Variants in BNC2 observed in about 807,000 individuals in gnomAD.
BNC2 encodes zinc finger protein basonuclin-2.
BNC2 carries 20 observed loss-of-function variants against 76.3 expected under a neutral mutation model. The ratio of observed to expected loss-of-function variants is 0.26; its 90% CI spans 0.18 to 0.38. The LOEUF (loss-of-function observed/expected upper bound fraction) is 0.38. Ranked by LOEUF, BNC2 falls within the 10% of genes least tolerant of loss-of-function variation. The pLI, the probability that BNC2 is intolerant of heterozygous loss-of-function variation, is 1.00. For synonymous variants in BNC2, 582 were observed against 514.8 expected (o/e 1.13, Z -1.77); for missense variants, 1,382 against 1,399.8 (o/e 0.99, Z 0.20).
intron 4 of BNC2, among the ~76,000 whole-genome samples, chr9:16,580,762 G>A (rs374215449): frequency 6.6e-6 from 1 of 152,144 alleles, no homozygotes; most frequent in Non-Finnish European, 1.5e-5. Flanking sequence ...TTTGTTCAAC[G>A]ACTGGCCTCC....
At chr9:16,573,568 C>G (rs1393153125) in intron 4 of BNC2, among the ~76,000 whole-genome samples, 1 of 152,070 alleles carries the variant, frequency 6.6e-6, no homozygotes, top group Non-Finnish European at 1.5e-5. Flanking sequence ...GAATCTAAGG[C>G]CCAAGACTGT....
chr9:16,605,465 G>A (rs947090404), intron 3 of BNC2, among the ~76,000 whole-genome samples: 1 of 152,162 alleles, frequency 6.6e-6, no homozygotes. Flanking sequence ...GCAGAGCCAG[G>A]ACTTCCGATC....
intron 3 of BNC2, among the ~76,000 whole-genome samples, chr9:16,643,338 T>C (rs1408549270): frequency 6.6e-6 from 1 of 150,956 alleles, no homozygotes; most frequent in Non-Finnish European, 1.5e-5. Flanking sequence ...TACCAAATTC[T>C]GGGAGACCAG....
chr9:16,553,058 A>G (rs1485767026), intron 4 of BNC2, among the ~76,000 whole-genome samples: 2 of 152,148 alleles, frequency 1.3e-5, no homozygotes, highest in East Asian at 3.9e-4. Flanking sequence ...GGGGTTTTCA[A>G]ATGACCGTGG....
intron 3 of BNC2, among the ~76,000 whole-genome samples, chr9:16,596,032 G>A (rs906719301): frequency 2.0e-5 from 3 of 152,050 alleles, no homozygotes; most frequent in Non-Finnish European, 4.4e-5. Flanking sequence ...TCAATAATCC[G>A]TGAACTAAGA....
intron 3 of BNC2, among the ~76,000 whole-genome samples, chr9:16,687,376 G>T (rs1823010156): frequency 6.6e-6 from 1 of 152,096 alleles, no homozygotes; most frequent in Non-Finnish European, 1.5e-5. Context: ...ACAAAAAAGG[G>T]AATTTATCCT....
Position 16,727,670 on chromosome 9 carries a change from C to G in BNC2, c.330+127G>C, listed in dbSNP as rs1429824028. The G allele has an allele frequency of 6.5e-6, 5 of 775,058 alleles. No individual in the cohort carries two copies. In the East Asian group the frequency reaches 1.3e-4, roughly 20 times the overall value. 48.0% of individuals were successfully genotyped at this position (775,058 alleles called of 1,614,324 possible). A position where few individuals can be genotyped will look rare whatever the true frequency, so the allele number is the denominator to read the frequency against. ...TAACACAGTTATGACAAAACAAGAG[C>G]CTAACTAGGAAGTGACCACATTTTA... is the stretch of plus-strand genomic sequence containing the variant. On this transcript the variant is annotated intron_variant, in intron 3 of 6. Transcript: ENST00000380672.
intron 1 of BNC2, among the ~76,000 whole-genome samples, chr9:16,743,672 C>T (rs1196493179): frequency 6.6e-6 from 1 of 152,170 alleles, no homozygotes. Context: ...TGGTTTTCTT[C>T]AGGAGCCAGA....
At chr9:16,826,145 C>T (rs4378057) in intron 1 of BNC2, among the ~76,000 whole-genome samples, 152,163 of 152,164 alleles carry the variant, frequency 1, 76,081 homozygotes, top group Non-Finnish European at 1. Context: ...GCACAGCTAA[C>T]ACATTTTTTA....
intron 1 of BNC2, among the ~76,000 whole-genome samples, chr9:16,824,903 A>G (rs565547921): frequency 1.3e-5 from 2 of 152,178 alleles, no homozygotes; most frequent in South Asian, 4.2e-4. Context: ...GGGGAGGGGG[A>G]AAAGGACATA....
chr9:16,426,112 T>C (rs1462379943), intron 6 of BNC2, among the ~76,000 whole-genome samples: 1 of 152,200 alleles, frequency 6.6e-6, no homozygotes, highest in Non-Finnish European at 1.5e-5. Context: ...ACTACTATTG[T>C]TGGGTAAGAA....
intron 5 of BNC2, among the ~76,000 whole-genome samples, chr9:16,446,159 G>A (rs991963199): frequency 6.6e-6 from 1 of 152,008 alleles, no homozygotes; most frequent in South Asian, 2.1e-4. Context: ...AACACACACA[G>A]GAATACAGAA....
At chr9:16,488,913 ATAT>A (rs558497325) in intron 5 of BNC2, among the ~76,000 whole-genome samples, 3 of 152,208 alleles carry the variant, frequency 2.0e-5, no homozygotes, top group Non-Finnish European at 4.4e-5. Context: ...TAAATCATCT[ATAT>A]TATGTTTCAG....
At chr9:16,855,686 C>G (rs1819236823) in intron 1 of BNC2, among the ~76,000 whole-genome samples, 1 of 151,934 alleles carries the variant, frequency 6.6e-6, no homozygotes, top group Non-Finnish European at 1.5e-5. Flanking sequence ...TACAGGCGCC[C>G]GCGACCACGC....
chr9:16,451,199 G>A (rs1422875316), intron 5 of BNC2, among the ~76,000 whole-genome samples: 5 of 152,064 alleles, frequency 3.3e-5, no homozygotes, highest in Admixed American at 2.6e-4. Context: ...CCTCAAAGAA[G>A]GTAAGCACCA....
At chr9:16,450,305 G>C (rs890484215) in intron 5 of BNC2, among the ~76,000 whole-genome samples, 1 of 152,192 alleles carries the variant, frequency 6.6e-6, no homozygotes, top group African/African-American at 2.4e-5. Flanking sequence ...AAAAAAGACA[G>C]ACTGCATCAA....
In BNC2 at chr9:16,424,402, T is replaced by G. The variant is rs543459607; in HGVS notation, c.2640-4753A>C. On this transcript the variant is annotated intron_variant, in intron 6 of 6. Coordinates refer to ENST00000380672, the MANE Select transcript of BNC2 (RefSeq NM_017637.6). ...CAGATTTGAGACATTCTGAACTTGG[T>G]GAATTGAAACAAAATACTTAATAAT... Among the ~76,000 whole-genome samples the G allele has an allele frequency of 7.9e-5, 12 of 152,210 alleles. No individual in the cohort carries two copies. The South Asian group carries it at 1.9e-3, about 24-fold the overall frequency.
At chr9:16,662,260 C>G (rs1258803314) in intron 3 of BNC2, among the ~76,000 whole-genome samples, 6 of 152,246 alleles carry the variant, frequency 3.9e-5, no homozygotes, top group African/African-American at 1.4e-4. Flanking sequence ...GCATATGGCT[C>G]AAAAAAGTAA....
chr9:16,579,075 G>T (rs1819560808), intron 4 of BNC2, among the ~76,000 whole-genome samples: 1 of 152,094 alleles, frequency 6.6e-6, no homozygotes. Flanking sequence ...ATGTGGGCAG[G>T]GTGGTGGTAA....
Sources: allele counts gnomAD v4.1 joint callset (sites outside exome capture counted in the v4.1 genomes callset), GRCh38; gene constraint gnomAD v4.1.1; transcripts MANE v1.5; gene names NCBI Gene and HGNC (gene_info 2026-07-23, HGNC 2026-07-21).